HTR2C: variants seen among roughly 807,000 people sequenced by gnomAD.
The protein encoded by HTR2C is 5-hydroxytryptamine receptor 2C.
HTR2C carries 5 observed loss-of-function variants against 21.0 expected under a neutral mutation model. The observed-to-expected ratio is 0.24, with a 90% confidence interval of 0.12 to 0.50. The LOEUF is 0.50. HTR2C is among the 20% of genes least tolerant of loss of function. HTR2C has a pLI of 0.98. For missense variants in HTR2C, 271 were observed against 371.2 expected (o/e 0.73, Z 2.22); for synonymous variants, 150 against 145.3 (o/e 1.03, Z -0.23).
chrX:114,610,735 T>C (rs1331347859), intron 1 of HTR2C, among the ~76,000 whole-genome samples: 2 of 111,191 alleles, frequency 1.8e-5, no homozygotes, highest in African/African-American at 6.6e-5. Flanking sequence ...AATACTTTGG[T>C]AGGATGGAGA....
intron 4 of HTR2C, among the ~76,000 whole-genome samples, chrX:114,779,536 T>C (rs782504124): frequency 7.6e-4 from 85 of 111,658 alleles, no homozygotes; most frequent in African/African-American, 2.5e-3. Context: ...GCACCTCCAA[T>C]GCAGCTTTTT....
intron 1 of HTR2C, among the ~76,000 whole-genome samples, chrX:114,607,350 T>C (rs1453159703): frequency 2.7e-5 from 3 of 111,711 alleles, no homozygotes; most frequent in African/African-American, 9.8e-5. Context: ...GGCCATTTAT[T>C]GGATACTTAA....
rs193161286 is a variant in HTR2C at position 114,698,976 on chromosome X, G to A, written c.-79-27882G>A. On this transcript the variant is annotated intron_variant, in intron 2 of 5. Coordinates refer to ENST00000276198, the MANE Select transcript of HTR2C (RefSeq NM_000868.4). ...ATAGTAGTTATTGTGATAGTCACTC[G>A]ACGGCAGCTTTAAAATCTGTGTTGC... 6.5e-4 allele frequency among the ~76,000 whole-genome samples: 73 copies of A among 111,471 alleles called. 1 individual carries two copies. The highest frequency in any genetic ancestry group is 5.5e-3 in the Admixed American group (57 of 10,439).
intron 3 of HTR2C, among the ~76,000 whole-genome samples, chrX:114,730,351 A>G (rs1306806704): frequency 8.9e-6 from 1 of 111,862 alleles, no homozygotes; most frequent in Non-Finnish European, 1.9e-5. Context: ...TTTCTAATGT[A>G]CTTAAATGAC....
At chrX:114,601,506 C>G (rs1556394412) in intron 1 of HTR2C, among the ~76,000 whole-genome samples, 1 of 107,440 alleles carries the variant, frequency 9.3e-6, no homozygotes, top group African/African-American at 3.4e-5. Flanking sequence ...GCTTTTTGAG[C>G]CAGGATGAGC....
At chrX:114,728,891 A>T (rs782013050) in intron 3 of HTR2C, among the ~76,000 whole-genome samples, 16 of 112,404 alleles carry the variant, frequency 1.4e-4, no homozygotes, top group Non-Finnish European at 2.8e-4. Context: ...TACTTAGAAC[A>T]TTTGAGGCAG....
At chrX:114,810,390 C>CG (rs1556452391) in intron 4 of HTR2C, among the ~76,000 whole-genome samples, 1 of 110,543 alleles carries the variant, frequency 9.0e-6, no homozygotes, top group East Asian at 2.9e-4. Flanking sequence ...ATTTAGGACC[C>CG]GGGGGGCACT....
chrX:114,732,714 G>A (rs1290888895), intron 4 of HTR2C, among the ~76,000 whole-genome samples: 2 of 110,695 alleles, frequency 1.8e-5, no homozygotes, highest in Non-Finnish European at 3.8e-5. Flanking sequence ...CCACTCTATT[G>A]CTCCAAAATT....
At chrX:114,858,782 A>G (rs1556471982) in intron 5 of HTR2C, among the ~76,000 whole-genome samples, 1 of 110,877 alleles carries the variant, frequency 9.0e-6, no homozygotes, top group African/African-American at 3.3e-5. Context: ...ACTGCTCAGT[A>G]TTTCAACATT....
At chrX:114,806,504 AC>A (rs2070443319) in intron 4 of HTR2C, among the ~76,000 whole-genome samples, 1 of 92,343 alleles carries the variant, frequency 1.1e-5, no homozygotes, top group Non-Finnish European at 2.1e-5. Context: ...ATATATATAC[AC>A]CATATATACA....
At chrX:114,844,589 A>C (rs1287393856) in intron 4 of HTR2C, among the ~76,000 whole-genome samples, 2 of 112,209 alleles carry the variant, frequency 1.8e-5, no homozygotes, top group Non-Finnish European at 3.8e-5. Flanking sequence ...ATAAAAATAC[A>C]TGATCCAATT....
intron 4 of HTR2C, among the ~76,000 whole-genome samples, chrX:114,743,762 A>G (rs2069674914): frequency 8.9e-6 from 1 of 111,945 alleles, no homozygotes; most frequent in Admixed American, 9.5e-5. Flanking sequence ...GAGATTCAAG[A>G]AATTCAGCAA....
At chrX:114,701,675 C>G (rs986963644) in intron 2 of HTR2C, among the ~76,000 whole-genome samples, 2 of 112,440 alleles carry the variant, frequency 1.8e-5, no homozygotes, top group Admixed American at 9.4e-5. Flanking sequence ...CAAAGGAACG[C>G]AGTTCCTCAC....
chrX:114,686,864 TA>T (rs1429339014), intron 2 of HTR2C, among the ~76,000 whole-genome samples: 7 of 111,193 alleles, frequency 6.3e-5, no homozygotes, highest in African/African-American at 2.3e-4. Context: ...CAAAATAAAT[TA>T]AATAATACAA....
chrX:114,880,063 A>G (rs781787240), intron 5 of HTR2C, among the ~76,000 whole-genome samples: 4 of 110,232 alleles, frequency 3.6e-5, no homozygotes, highest in Non-Finnish European at 7.6e-5. Context: ...AATATAATTC[A>G]TATATCATAA....
rs982312219 is a variant in HTR2C at position 114,685,753 on chromosome X, T to A, written c.-79-41105T>A. 2.7e-5 allele frequency among the ~76,000 whole-genome samples: 3 copies of A among 111,727 alleles called. No individual in the cohort carries two copies. The South Asian group carries it at 1.1e-3, about 41-fold the overall frequency. On this transcript the variant is annotated intron_variant, in intron 2 of 5. Coordinates refer to ENST00000276198, the MANE Select transcript of HTR2C (RefSeq NM_000868.4). ...TAGAACAAAAAAGAGTCTAATCCAA[T>A]TGTTCTATTTTGCAGAGGCAAAAAA... is the stretch of plus-strand genomic sequence containing the variant.
chrX:114,647,493 T>C (rs1332795050), intron 2 of HTR2C, among the ~76,000 whole-genome samples: 2 of 112,101 alleles, frequency 1.8e-5, no homozygotes, highest in African/African-American at 3.2e-5. Context: ...ACTTCAAATA[T>C]GTATAGGTAG....
intron 2 of HTR2C, among the ~76,000 whole-genome samples, chrX:114,714,623 A>C (rs1556419539): frequency 1.8e-5 from 2 of 112,416 alleles, no homozygotes; most frequent in Non-Finnish European, 3.8e-5. Flanking sequence ...TTTAATTAGC[A>C]ATAACAAGTA....
chrX:114,808,518 T>G (rs1206653242), intron 4 of HTR2C, among the ~76,000 whole-genome samples: 1 of 111,568 alleles, frequency 9.0e-6, no homozygotes, highest in Non-Finnish European at 1.9e-5. Context: ...GTAGCTCAAT[T>G]TTTAGCTTTT....
Sources: allele counts gnomAD v4.1 joint callset (sites outside exome capture counted in the v4.1 genomes callset), GRCh38; gene constraint gnomAD v4.1.1; transcripts MANE v1.5; gene names NCBI Gene and HGNC (gene_info 2026-07-23, HGNC 2026-07-21).